Variants in HECA observed in about 807,000 individuals in gnomAD.
HECA encodes the protein headcase protein homolog.
HECA carries 13 observed loss-of-function variants against 37.6 expected under a neutral mutation model. The observed-to-expected ratio is 0.35, with a 90% confidence interval of 0.23 to 0.55. HECA has a LOEUF of 0.55. Among genes scored for constraint, HECA ranks in the 20% least tolerant of loss-of-function variants. The pLI is 0.90. For missense variants in HECA, 527 were observed against 701.9 expected (o/e 0.75, Z 2.82); for synonymous variants, 307 against 291.5 (o/e 1.05, Z -0.54).
intron 1 of HECA, among the ~76,000 whole-genome samples, chr6:139,156,490 G>A (rs1298555341): frequency 3.9e-5 from 6 of 152,152 alleles, no homozygotes; most frequent in African/African-American, 7.2e-5. Flanking sequence ...AATTATAAGC[G>A]TGTGCCATTG....
chr6:139,151,444 C>A (rs867425129), intron 1 of HECA, among the ~76,000 whole-genome samples: 36 of 128,474 alleles, frequency 2.8e-4, no homozygotes, highest in African/African-American at 1.2e-3. Context: ...AAACAGAATG[C>A]AGGCAAGGCA....
intron 1 of HECA, among the ~76,000 whole-genome samples, chr6:139,164,363 G>A (rs960594207): frequency 1.3e-5 from 2 of 151,800 alleles, no homozygotes; most frequent in East Asian, 1.9e-4. Context: ...AAAGTGTTAT[G>A]AACATTGGGG....
chr6:139,154,550 G>T (rs1363317975), intron 1 of HECA, among the ~76,000 whole-genome samples: 2 of 152,226 alleles, frequency 1.3e-5, no homozygotes, highest in South Asian at 2.1e-4. Context: ...ACCGGTAACT[G>T]GTCTACGGAT....
chr6:139,140,153 A>G (rs1774496359), intron 1 of HECA, among the ~76,000 whole-genome samples: 1 of 152,206 alleles, frequency 6.6e-6, no homozygotes, highest in Admixed American at 6.5e-5. Context: ...TATATTTTAA[A>G]TAGTTTCTTT....
At chr6:139,142,402 A>G (rs1157245035) in intron 1 of HECA, among the ~76,000 whole-genome samples, 2 of 152,186 alleles carry the variant, frequency 1.3e-5, no homozygotes, top group Admixed American at 6.5e-5. Context: ...CTTTTAATAC[A>G]TGCTGACAGA....
At position 139,148,646 on chromosome 6, in the gene HECA, A is replaced by G. The variant is rs577520840; in HGVS notation, c.271+12979A>G. Among the ~76,000 whole-genome samples the G allele has an allele frequency of 2.0e-5, 3 of 152,234 alleles. No homozygotes were observed. In the East Asian group the frequency reaches 5.8e-4, roughly 30 times the overall value. ...CTGGGCATGGTGGCGCATGCCTCTTATCCCAGCTACTCGTGAGGCTGAGGC... is the reference window on the plus strand; with the variant it reads ...CTGGGCATGGTGGCGCATGCCTCTTGTCCCAGCTACTCGTGAGGCTGAGGC... On this transcript the variant is annotated intron_variant, in intron 1 of 3. Transcript: ENST00000367658.
intron 1 of HECA, among the ~76,000 whole-genome samples, chr6:139,159,927 C>T (rs1774773533): frequency 6.6e-6 from 1 of 152,114 alleles, no homozygotes; most frequent in Non-Finnish European, 1.5e-5. Flanking sequence ...ATAGCAATGT[C>T]CGGTTTATGG....
chr6:139,147,213 CACAT>C (rs1349834177), intron 1 of HECA, among the ~76,000 whole-genome samples: 3 of 152,252 alleles, frequency 2.0e-5, no homozygotes, highest in African/African-American at 7.2e-5. Context: ...TTGACTCACA[CACAT>C]ACGTACATAA....
intron 2 of HECA, among the ~76,000 whole-genome samples, chr6:139,172,551 T>C (rs1434521693): frequency 6.6e-6 from 1 of 152,268 alleles, no homozygotes; most frequent in Admixed American, 6.5e-5. Context: ...TTTACCACTT[T>C]GAACCACATG....
chr6:139,138,725 CT>C (rs1006076662), intron 1 of HECA, among the ~76,000 whole-genome samples: 1 of 152,140 alleles, frequency 6.6e-6, no homozygotes, highest in Non-Finnish European at 1.5e-5. Flanking sequence ...AGTTGTGCAT[CT>C]TGAGTAAGTT....
At chr6:139,166,170 G>C (rs1288665601) in intron 1 of HECA, 114 bp from the exon 2 acceptor site, 3 of 826,826 alleles carry the variant, frequency 3.6e-6, no homozygotes, top group Non-Finnish European at 5.8e-6. Context: ...CCCTGGAACT[G>C]CCTTTCATTA....
chr6:139,155,391 T>C (rs1465299379), intron 1 of HECA, among the ~76,000 whole-genome samples: 1 of 152,136 alleles, frequency 6.6e-6, no homozygotes, highest in African/African-American at 2.4e-5. Flanking sequence ...TACTGTAGAC[T>C]TTGATAAACA....
intron 1 of HECA, among the ~76,000 whole-genome samples, chr6:139,150,091 G>A (rs1337624291): frequency 6.6e-6 from 1 of 152,166 alleles, no homozygotes; most frequent in African/African-American, 2.4e-5. Flanking sequence ...TGCCTCTAGG[G>A]CCATATGGAG....
intron 2 of HECA, among the ~76,000 whole-genome samples, chr6:139,171,255 T>TA (rs1390216766): frequency 2.0e-5 from 3 of 151,854 alleles, no homozygotes; most frequent in East Asian, 3.9e-4. Flanking sequence ...GAGGATATGA[T>TA]AAACCCACAA....
rs761042563 is a variant in HECA at position 139,166,467 on chromosome 6, G to A, written c.455G>A (p.Arg152His). 1.2e-6 allele frequency: 2 copies of A among 1,614,164 alleles called. No individual in the cohort carries two copies. The highest frequency in any genetic ancestry group is 1.7e-5 in the Admixed American group (1 of 60,014). Reference protein sequence around the residue: ...LVQFNCIGRARSWNEKQCRQN... With the variant: ...LVQFNCIGRAHSWNEKQCRQN... Reference sequence around the variant, plus strand: ...CAGTTCAACTGCATCGGCCGCGCGCGCAGCTGGAACGAGAAGCAATGCCGC... The same window carrying A: ...CAGTTCAACTGCATCGGCCGCGCGCACAGCTGGAACGAGAAGCAATGCCGC... The change falls in exon 2 of 4, where the codon CGC (arginine) becomes CAC (histidine). Residue 152 changes from arginine to histidine, a missense_variant. By Grantham distance (29) the Arg-to-His change is conservative. Around this residue, in one of 4 missense-constraint regions of HECA, gnomAD observed 21 missense variants for 51.2 expected, o/e 0.41. Coordinates refer to ENST00000367658, the MANE Select transcript of HECA (RefSeq NM_016217.3).
At chr6:139,170,080 G>A (rs182717928) in intron 2 of HECA, 2 of 152,290 alleles carry the variant, frequency 1.3e-5, no homozygotes, top group African/African-American at 4.8e-5. Flanking sequence ...GATGGAGTTT[G>A]TGTTTTTGTT....
chr6:139,146,030 A>C (rs575304265), intron 1 of HECA, among the ~76,000 whole-genome samples: 172 of 102,666 alleles, frequency 1.7e-3, no homozygotes, highest in African/African-American at 6.2e-3. Context: ...ACCCCCTCAC[A>C]ATATATTGCC....
chr6:139,136,460 GTGC>G (rs1774437887), intron 1 of HECA, among the ~76,000 whole-genome samples: 1 of 151,984 alleles, frequency 6.6e-6, no homozygotes, highest in South Asian at 2.1e-4. Flanking sequence ...TCGTTATAAG[GTGC>G]TGGGCAAACA....
Position 139,151,490 on chromosome 6 carries a change from T to G in HECA, c.272-14794T>G, listed in dbSNP as rs537053855. Among the ~76,000 whole-genome samples, 5 of 152,302 alleles carry G rather than the reference T, an allele frequency of 3.3e-5. No individual in the cohort carries two copies. In the South Asian group the frequency reaches 1.0e-3, roughly 32 times the overall value. On this transcript the variant is annotated intron_variant, in intron 1 of 3. Transcript: ENST00000367658. The stretch of plus-strand genomic sequence containing the variant: ...CTGTTTCTTCCGGCCGTGCTTTTTC[T>G]GCTACTTAATTTGATATTCTCCATA...
Sources: gnomAD v4.1 joint callset for allele counts (sites outside exome capture counted in the v4.1 genomes callset) on GRCh38, gnomAD v4.1.1 for gene constraint, gnomAD v4.1.1 regional missense constraint, MANE v1.5 for transcripts, NCBI Gene and HGNC (gene_info 2026-07-23, HGNC 2026-07-21) for gene names.